The following ANKS1B variants were observed in gnomAD, a reference collection of about 807,000 sequenced individuals.
ANKS1B encodes the protein ankyrin repeat and sterile alpha motif domain containing 1B.
Under a neutral mutation model 148.3 loss-of-function variants are expected in ANKS1B, and 36 were observed. The ratio of observed to expected loss-of-function variants is 0.24; its 90% CI spans 0.19 to 0.32. The LOEUF is 0.32. Ranked by LOEUF, ANKS1B falls within the 10% of genes least tolerant of loss-of-function variation. The pLI is 1.00. For missense variants in ANKS1B, 1,157 were observed against 1,542.6 expected, an observed-to-expected ratio of 0.75 and a Z score of 4.19; for synonymous variants, 542 against 560.8, an observed-to-expected ratio of 0.97 and a Z score of 0.47.
intron 18 of ANKS1B, 71 bp downstream of exon 18, chr12:98,831,958 G>T: frequency 7.1e-7 from 1 of 1,401,858 alleles, no homozygotes; most frequent in Non-Finnish European, 9.9e-7. Flanking sequence ...CACCATGTTG[G>T]CCAGGCTGGT....
At chr12:99,308,078 C>T (rs2082601107) in intron 12 of ANKS1B, among the ~76,000 whole-genome samples, 1 of 151,984 alleles carries the variant, frequency 6.6e-6, no homozygotes, top group Non-Finnish European at 1.5e-5. Flanking sequence ...ATGATTGTGA[C>T]TCGTTTAACT....
intron 17 of ANKS1B, among the ~76,000 whole-genome samples, chr12:98,839,765 T>C (rs1027906329): frequency 2.6e-5 from 4 of 152,206 alleles, no homozygotes; most frequent in Admixed American, 2.6e-4. Flanking sequence ...GCCTGGATTT[T>C]CATTAGAATC....
At chr12:99,559,674 A>C (rs961096160) in intron 9 of ANKS1B, among the ~76,000 whole-genome samples, 1 of 152,196 alleles carries the variant, frequency 6.6e-6, no homozygotes, top group Admixed American at 6.5e-5. Flanking sequence ...TCTCAGAAAA[A>C]GAAACAGGTT....
At chr12:99,255,784 CTT>C (rs2075186258) in intron 12 of ANKS1B, among the ~76,000 whole-genome samples, 1 of 152,164 alleles carries the variant, frequency 6.6e-6, no homozygotes, top group East Asian at 1.9e-4. Flanking sequence ...ATATGGGAAT[CTT>C]AATTTAACTT....
At chr12:99,058,654 C>T (rs1408154375) in intron 16 of ANKS1B, among the ~76,000 whole-genome samples, 1 of 150,894 alleles carries the variant, frequency 6.6e-6, no homozygotes, top group African/African-American at 2.4e-5. Flanking sequence ...CACATCTTCG[C>T]TCATGCCATT....
intron 15 of ANKS1B, among the ~76,000 whole-genome samples, chr12:99,102,311 C>T (rs1438747601): frequency 3.9e-5 from 6 of 152,070 alleles, no homozygotes; most frequent in African/African-American, 1.4e-4. Context: ...GGGGTGGAGA[C>T]AATGAATGTA....
At chr12:99,588,574 G>A (rs933973552) in intron 9 of ANKS1B, among the ~76,000 whole-genome samples, 2 of 152,042 alleles carry the variant, frequency 1.3e-5, no homozygotes, top group South Asian at 2.1e-4. Flanking sequence ...CCGCCACTAC[G>A]CCCGGCTAAT....
At chr12:99,348,997 G>T (rs983877257) in intron 12 of ANKS1B, among the ~76,000 whole-genome samples, 2 of 151,870 alleles carry the variant, frequency 1.3e-5, no homozygotes, top group African/African-American at 4.8e-5. Context: ...TGCTAATGGG[G>T]ACACAATGTG....
In ANKS1B at chr12:99,353,153, AG is replaced by A. The variant is rs1394553451; in HGVS notation, c.1756+46477del. On this transcript the variant is annotated intron_variant, in intron 12 of 26. Transcript: ENST00000683438. ...AAGGATACCAGACCAATCTCATTAG[AG>A]GCACCACAGTATGATGTGGTCTTTA... Among the ~76,000 whole-genome samples the A allele has an allele frequency of 2.6e-5, 4 of 152,120 alleles. No homozygotes were observed. In the East Asian group the frequency reaches 5.8e-4, roughly 22 times the overall value.
chr12:99,303,669 G>A (rs965365398), intron 12 of ANKS1B, among the ~76,000 whole-genome samples: 4 of 152,062 alleles, frequency 2.6e-5, no homozygotes, highest in Non-Finnish European at 4.4e-5. Context: ...GGGAACAGGT[G>A]GTGTTTGGTT....
chr12:99,083,516 C>T (rs972830947), intron 16 of ANKS1B, among the ~76,000 whole-genome samples: 18 of 152,272 alleles, frequency 1.2e-4, no homozygotes, highest in Admixed American at 1.1e-3. Context: ...CACACTGACC[C>T]AACCTACTTT....
chr12:98,814,866 G>T (rs1467048500), intron 19 of ANKS1B, among the ~76,000 whole-genome samples: 2 of 152,144 alleles, frequency 1.3e-5, no homozygotes, highest in East Asian at 3.8e-4. Flanking sequence ...ACATTTGAAG[G>T]TGTATAATTT....
At chr12:99,277,041 A>G (rs1400961420) in intron 12 of ANKS1B, among the ~76,000 whole-genome samples, 1 of 152,148 alleles carries the variant, frequency 6.6e-6, no homozygotes, top group Non-Finnish European at 1.5e-5. Context: ...CCTACCTGTC[A>G]TGAGGGCTTA....
chr12:99,315,336 G>A (rs2083870381), intron 12 of ANKS1B, among the ~76,000 whole-genome samples: 1 of 150,922 alleles, frequency 6.6e-6, no homozygotes, highest in South Asian at 2.1e-4. Context: ...GGTCTAATAT[G>A]CAAAAGTTAA....
At chr12:99,044,148 T>G (rs897795280) in intron 17 of ANKS1B, among the ~76,000 whole-genome samples, 2 of 152,204 alleles carry the variant, frequency 1.3e-5, no homozygotes, top group Non-Finnish European at 2.9e-5. Flanking sequence ...ATATTTCCCC[T>G]CTCAAAGCTC....
intron 25 of ANKS1B, among the ~76,000 whole-genome samples, chr12:98,756,777 G>A (rs1311218570): frequency 6.7e-6 from 1 of 149,966 alleles, no homozygotes; most frequent in Non-Finnish European, 1.5e-5. Flanking sequence ...GCCCAGGCTG[G>A]AGTACAATGG....
chr12:98,930,916 TGTG>T (rs2099813125), intron 17 of ANKS1B, among the ~76,000 whole-genome samples: 1 of 151,756 alleles, frequency 6.6e-6, no homozygotes, highest in Non-Finnish European at 1.5e-5. Context: ...TAAAAAATAA[TGTG>T]GTGTAAATCT....
At chr12:99,792,395 GC>G in intron 4 of ANKS1B, among the ~76,000 whole-genome samples, 1 of 151,676 alleles carries the variant, frequency 6.6e-6, no homozygotes, top group South Asian at 2.1e-4. Context: ...ATTCTACAAG[GC>G]CAGTATTAAT....
intron 16 of ANKS1B, among the ~76,000 whole-genome samples, chr12:99,071,647 T>A (rs1041702005): frequency 6.7e-6 from 1 of 149,092 alleles, no homozygotes; most frequent in Non-Finnish European, 1.5e-5. Flanking sequence ...TCTCTCTCTT[T>A]TTTTTTTTTT....
Sources: allele counts gnomAD v4.1 joint callset (sites outside exome capture counted in the v4.1 genomes callset), GRCh38; gene constraint gnomAD v4.1.1; transcripts MANE v1.5; gene names NCBI Gene and HGNC (gene_info 2026-07-23, HGNC 2026-07-21).